The following MAGI1 variants were observed in gnomAD, a reference collection of about 807,000 sequenced individuals.
MAGI1 encodes the protein membrane-associated guanylate kinase, WW and PDZ domain-containing protein 1.
A neutral mutation model predicts 139.9 loss-of-function variants in MAGI1; 58 were observed. That is an observed-to-expected ratio of 0.41 (90% CI 0.34 to 0.52). The LOEUF is 0.52. Ranked by LOEUF, MAGI1 falls within the 20% of genes least tolerant of loss-of-function variation. MAGI1 has a pLI of 0.12. For synonymous variants in MAGI1, 812 were observed against 737.9 expected (o/e 1.10, Z -1.63); for missense variants, 1,874 against 1,901.6 (o/e 0.99, Z 0.27).
chr3:65,444,298 T>C (rs1948532643), intron 7 of MAGI1, among the ~76,000 whole-genome samples: 1 of 152,108 alleles, frequency 6.6e-6, no homozygotes, highest in Non-Finnish European at 1.5e-5. Flanking sequence ...TAGGAAATGC[T>C]TTCCCCTTAC....
At chr3:65,492,951 G>A (rs534932989) in intron 3 of MAGI1, among the ~76,000 whole-genome samples, 21 of 151,892 alleles carry the variant, frequency 1.4e-4, no homozygotes, top group East Asian at 3.9e-4. Context: ...GGTGGCAGGC[G>A]CCTGTAATCC....
At chr3:65,832,262 G>C (rs919574573) in intron 1 of MAGI1, among the ~76,000 whole-genome samples, 2 of 152,198 alleles carry the variant, frequency 1.3e-5, no homozygotes, top group Admixed American at 6.5e-5. Flanking sequence ...AGCTGGTTCT[G>C]TGCAGTCTTT....
chr3:65,478,333 T>TA (rs1169246963), intron 4 of MAGI1, among the ~76,000 whole-genome samples: 1 of 152,148 alleles, frequency 6.6e-6, no homozygotes, highest in African/African-American at 2.4e-5. Context: ...CATGCTGATT[T>TA]CTCGTTTGCC....
At chr3:65,605,907 G>A (rs900967655) in intron 2 of MAGI1, among the ~76,000 whole-genome samples, 3 of 152,138 alleles carry the variant, frequency 2.0e-5, no homozygotes, top group Admixed American at 2.0e-4. Context: ...GAGATCCGGC[G>A]AGTCCTACTT....
At chr3:65,582,946 C>A (rs1210558475) in intron 2 of MAGI1, among the ~76,000 whole-genome samples, 1 of 152,156 alleles carries the variant, frequency 6.6e-6, no homozygotes, top group Non-Finnish European at 1.5e-5. Flanking sequence ...ATGTAAACCA[C>A]ATATATGATT....
At chr3:65,762,360 G>T (rs562154365) in intron 1 of MAGI1, among the ~76,000 whole-genome samples, 128 of 152,168 alleles carry the variant, frequency 8.4e-4, no homozygotes, top group African/African-American at 3.0e-3. Flanking sequence ...GAGGCGACTT[G>T]CAAGGCATTA....
chr3:65,649,751 G>A (rs1476683270), intron 1 of MAGI1, among the ~76,000 whole-genome samples: 1 of 152,276 alleles, frequency 6.6e-6, no homozygotes, highest in African/African-American at 2.4e-5. Flanking sequence ...ATAAGCATAT[G>A]AAAAGATGTC....
At chr3:65,846,021 G>A (rs181034994) in intron 1 of MAGI1, among the ~76,000 whole-genome samples, 126 of 152,234 alleles carry the variant, frequency 8.3e-4, no homozygotes, top group Non-Finnish European at 1.4e-3. Context: ...GGGAATAAAA[G>A]CCTCAAACCA....
chr3:65,675,848 G>GA (rs2087156753), intron 1 of MAGI1, among the ~76,000 whole-genome samples: 1 of 152,096 alleles, frequency 6.6e-6, no homozygotes, highest in Non-Finnish European at 1.5e-5. Context: ...TCCAATACTG[G>GA]AAAAAAACAA....
intron 1 of MAGI1, among the ~76,000 whole-genome samples, chr3:65,917,541 C>CCTT (rs1188357927): frequency 6.6e-6 from 1 of 152,160 alleles, no homozygotes; most frequent in Non-Finnish European, 1.5e-5. Flanking sequence ...ACCAAGTCAT[C>CCTT]CTTCAGTAAA....
At chr3:65,576,390 T>C (rs777429073) in intron 2 of MAGI1, among the ~76,000 whole-genome samples, 4 of 152,176 alleles carry the variant, frequency 2.6e-5, no homozygotes. Flanking sequence ...CAATCCTACG[T>C]AGACAATGCT....
chr3:65,592,646 T>C (rs553567416), intron 2 of MAGI1, among the ~76,000 whole-genome samples: 1 of 152,286 alleles, frequency 6.6e-6, no homozygotes, highest in African/African-American at 2.4e-5. Context: ...TATATATTAG[T>C]GCAGAAAAGT....
At chr3:65,522,821 G>C (rs1455569355) in intron 2 of MAGI1, among the ~76,000 whole-genome samples, 1 of 152,126 alleles carries the variant, frequency 6.6e-6, no homozygotes. Context: ...TCTGCACTTG[G>C]AGATTCTATA....
chr3:65,388,496 C>T (rs1346904497), intron 14 of MAGI1, among the ~76,000 whole-genome samples: 1 of 151,916 alleles, frequency 6.6e-6, no homozygotes, highest in Non-Finnish European at 1.5e-5. Context: ...AGATACAAAA[C>T]AACCTAAGAG....
chr3:65,918,240 G>A (rs987247646), intron 1 of MAGI1, among the ~76,000 whole-genome samples: 1 of 152,086 alleles, frequency 6.6e-6, no homozygotes, highest in Non-Finnish European at 1.5e-5. Context: ...TAAATACCTA[G>A]AAGGGCATCT....
chr3:65,809,549 T>G (rs1219034384), intron 1 of MAGI1, among the ~76,000 whole-genome samples: 2 of 152,180 alleles, frequency 1.3e-5, no homozygotes, highest in African/African-American at 4.8e-5. Flanking sequence ...AAATACCTTC[T>G]ACCCAGTCCC....
rs142801863 is a variant in MAGI1 at position 65,817,341 on chromosome 3, A to C, written c.314-195253T>G. ...GCTCTGCAGTAAATTATACTTAGCT[A>C]ATTGTACGTATAAATCCCTCCATAG... is the stretch of plus-strand genomic sequence containing the variant. On this transcript the variant is annotated intron_variant, in intron 1 of 22. Coordinates refer to ENST00000402939, the MANE Select transcript of MAGI1 (RefSeq NM_001033057.2). 3.5e-4 allele frequency among the ~76,000 whole-genome samples: 53 copies of C among 152,326 alleles called. No homozygotes were observed. The East Asian group carries it at 0.01, about 29-fold the overall frequency.
chr3:65,893,276 G>GA (rs34015645), intron 1 of MAGI1, among the ~76,000 whole-genome samples: 6,128 of 146,072 alleles, frequency 0.042, 147 homozygotes, highest in African/African-American at 0.072. Context: ...TACAACCTCA[G>GA]AAAAAAAAAT....
chr3:65,765,932 A>C (rs980538159), intron 1 of MAGI1, among the ~76,000 whole-genome samples: 1 of 152,214 alleles, frequency 6.6e-6, no homozygotes, highest in Non-Finnish European at 1.5e-5. Context: ...GTGTCACCAA[A>C]ACATCTGCTG....
Sources: allele counts gnomAD v4.1 joint callset (sites outside exome capture counted in the v4.1 genomes callset), GRCh38; gene constraint gnomAD v4.1.1; transcripts MANE v1.5; gene names NCBI Gene and HGNC (gene_info 2026-07-23, HGNC 2026-07-21).